CDKN2B-AS1: variants seen among roughly 807,000 people sequenced by gnomAD.
CDKN2B-AS1 encodes the protein CDKN2B and CDKN2A antisense cis and trans regulatory RNA 1.
chr9:22,094,073 A>G (rs2131346087), intron 4 of CDKN2B-AS1, among the ~76,000 whole-genome samples: 1 of 144,196 alleles, frequency 6.9e-6, no homozygotes, highest in South Asian at 2.1e-4. Context: ...TCCTTCACTT[A>G]TGAAGCTTAG....
At chr9:22,052,954 G>T (rs1563948862) in intron 3 of CDKN2B-AS1, among the ~76,000 whole-genome samples, 1 of 152,194 alleles carries the variant, frequency 6.6e-6, no homozygotes, top group Non-Finnish European at 1.5e-5. Flanking sequence ...CTAGAGTGTG[G>T]CTGAACTGGC....
At chr9:22,060,914 G>A (rs1823790560) in intron 4 of CDKN2B-AS1, among the ~76,000 whole-genome samples, 1 of 152,054 alleles carries the variant, frequency 6.6e-6, no homozygotes, top group Non-Finnish European at 1.5e-5. Flanking sequence ...TCGGCCCTCG[G>A]GATTCAGTTA....
At chr9:22,042,103 A>G (rs1456526948) in intron 1 of CDKN2B-AS1, among the ~76,000 whole-genome samples, 1 of 152,038 alleles carries the variant, frequency 6.6e-6, no homozygotes, top group Non-Finnish European at 1.5e-5. Context: ...GATCACTGCT[A>G]GCTCATTCAC....
chr9:22,106,373 G>C (rs1825659872), intron 4 of CDKN2B-AS1, among the ~76,000 whole-genome samples: 2 of 152,116 alleles, frequency 1.3e-5, no homozygotes, highest in Non-Finnish European at 2.9e-5. Context: ...GAGCCACTGT[G>C]CCCGGCCTAA....
intron 1 of CDKN2B-AS1, among the ~76,000 whole-genome samples, chr9:22,043,942 A>C (rs1259690655): frequency 6.6e-6 from 1 of 151,974 alleles, no homozygotes; most frequent in Non-Finnish European, 1.5e-5. Context: ...GAATGGCAAA[A>C]GAAAATACAG....
chr9:22,127,007 A>G (rs1818031839), intron 4 of CDKN2B-AS1, among the ~76,000 whole-genome samples: 1 of 152,260 alleles, frequency 6.6e-6, no homozygotes, highest in Non-Finnish European at 1.5e-5. Context: ...TTACCTAAAA[A>G]CAAAACAAGA....
rs778142649 is a variant in CDKN2B-AS1 at position 22,047,836 on chromosome 9, T to C, written n.179+936T>C. 6.5e-4 allele frequency among the ~76,000 whole-genome samples: 99 copies of C among 151,810 alleles called. 1 individual carries two copies. Among genetic ancestry groups the C allele is most frequent in the Non-Finnish European group, 1.5e-4 (10 of 67,926 alleles). ...GGGAATCATTCTGTTGCCCAGGCTG[T>C]AATGCAGTGGCACAATCATGGTTCA... is the stretch of plus-strand genomic sequence containing the variant. On this transcript the variant is annotated intron_variant and non_coding_transcript_variant, in intron 2 of 4. Coordinates refer to ENST00000650946, the Ensembl canonical transcript of CDKN2B-AS1.
At chr9:22,077,329 A>G (rs1417452960) in intron 4 of CDKN2B-AS1, among the ~76,000 whole-genome samples, 1 of 152,140 alleles carries the variant, frequency 6.6e-6, no homozygotes, top group Non-Finnish European at 1.5e-5. Flanking sequence ...TCATGTAAAT[A>G]TTTAAAATTT....
intron 4 of CDKN2B-AS1, among the ~76,000 whole-genome samples, chr9:22,093,961 G>A (rs984252090): frequency 1.4e-5 from 2 of 144,642 alleles, no homozygotes; most frequent in Non-Finnish European, 2.9e-5. Context: ...GGTAGTGGTT[G>A]TTCCTTTCCA....
rs1222125150 is a variant in CDKN2B-AS1, at chr9:21,997,960, C to A, written n.29+2799C>A. On this transcript the variant is annotated intron_variant and non_coding_transcript_variant, in intron 1 of 4. Transcript: ENST00000650946. The surrounding 1 kb of genome is among the most constrained non-coding windows in gnomAD (Gnocchi z 4.8). ...GGAGCCATATAGCTCAAAGTATAAT[C>A]ATTTTCTCTCCACAGGAACTAGACC... Among the ~76,000 whole-genome samples the A allele has an allele frequency of 6.6e-6, 1 of 152,078 alleles. No homozygotes were observed. Among genetic ancestry groups the A allele is most frequent in the Non-Finnish European group, 1.5e-5 (1 of 68,008 alleles).
chr9:22,003,013 A>C (rs1024149948), intron 1 of CDKN2B-AS1: 6 of 205,412 alleles, frequency 2.9e-5, no homozygotes, highest in Non-Finnish European at 6.0e-5. Context: ...TACGAACTTA[A>C]CAGGTATATT....
intron 4 of CDKN2B-AS1, among the ~76,000 whole-genome samples, chr9:22,060,681 G>A (rs967530414): frequency 1.3e-5 from 2 of 152,154 alleles, no homozygotes; most frequent in Non-Finnish European, 2.9e-5. Flanking sequence ...TCATGCTGCT[G>A]ATAAAGACAT....
At chr9:22,109,420 G>GT (rs1825744517) in intron 4 of CDKN2B-AS1, among the ~76,000 whole-genome samples, 1 of 152,278 alleles carries the variant, frequency 6.6e-6, no homozygotes, top group South Asian at 2.1e-4. Context: ...AGTAAATAGA[G>GT]TTTGTTTAAA....
At chr9:22,034,395 T>C (rs1257737869) in intron 1 of CDKN2B-AS1, among the ~76,000 whole-genome samples, 3 of 152,158 alleles carry the variant, frequency 2.0e-5, no homozygotes, top group Non-Finnish European at 4.4e-5. Context: ...CTTTCTGCCT[T>C]AGGTGTTTAC....
intron 4 of CDKN2B-AS1, among the ~76,000 whole-genome samples, chr9:22,057,561 C>T (rs1823624130): frequency 6.6e-6 from 1 of 152,168 alleles, no homozygotes; most frequent in Non-Finnish European, 1.5e-5. Context: ...GTAATCCCAG[C>T]ACTTTGGGAG....
At chr9:22,127,687 G>A (rs1014765793) in exon 5 of CDKN2B-AS1, among the ~76,000 whole-genome samples, 1 of 152,128 alleles carries the variant, frequency 6.6e-6, no homozygotes, top group East Asian at 1.9e-4. Context: ...GGAGACAGGA[G>A]GGTCCCAAAT....
At chr9:22,079,301 T>A (rs1824610587) in intron 4 of CDKN2B-AS1, among the ~76,000 whole-genome samples, 1 of 152,010 alleles carries the variant, frequency 6.6e-6, no homozygotes, top group Non-Finnish European at 1.5e-5. Context: ...CTGGCCAACA[T>A]GGTGAAAACC....
intron 4 of CDKN2B-AS1, among the ~76,000 whole-genome samples, chr9:22,085,010 G>A (rs1410256984): frequency 6.6e-6 from 1 of 152,068 alleles, no homozygotes; most frequent in Non-Finnish European, 1.5e-5. Context: ...CAGTGTTTTG[G>A]TATGAGAACA....
At chr9:22,060,294 G>A (rs986281181) in intron 4 of CDKN2B-AS1, among the ~76,000 whole-genome samples, 3 of 152,104 alleles carry the variant, frequency 2.0e-5, no homozygotes, top group South Asian at 2.1e-4. Flanking sequence ...AATTTCTTCC[G>A]CCAAATACCC....
Sources: allele counts gnomAD v4.1 joint callset (sites outside exome capture counted in the v4.1 genomes callset), GRCh38; gene constraint gnomAD v4.1.1; non-coding constraint Gnocchi (gnomAD v3.1); transcripts MANE v1.5; gene names NCBI Gene and HGNC (gene_info 2026-07-23, HGNC 2026-07-21).